Variants in CEP112 observed in about 807,000 individuals in gnomAD.
CEP112 encodes centrosomal protein 112, also known as centrosomal protein of 112 kDa.
Under a neutral mutation model 153.0 loss-of-function variants are expected in CEP112, and 127 were observed. The observed-to-expected ratio is 0.83, with a 90% confidence interval of 0.72 to 0.96. The LOEUF (loss-of-function observed/expected upper bound fraction) is 0.96. Ranked by LOEUF, CEP112 falls within the 40% of genes least tolerant of loss-of-function variation. The pLI, the probability that CEP112 is intolerant of heterozygous loss-of-function variation, is 0.00. For missense variants in CEP112, 1,089 were observed against 1,101.2 expected (o/e 0.99, Z 0.16); for synonymous variants, 358 against 374.4 (o/e 0.96, Z 0.51).
intron 23 of CEP112, among the ~76,000 whole-genome samples, chr17:65,720,060 T>A (rs1490250734): frequency 6.6e-6 from 1 of 151,916 alleles, no homozygotes; most frequent in Non-Finnish European, 1.5e-5. Flanking sequence ...GAGGGCTGGG[T>A]GATGGACTGC....
At chr17:65,870,030 A>G (rs1314397589) in intron 20 of CEP112, among the ~76,000 whole-genome samples, 1 of 66,340 alleles carries the variant, frequency 1.5e-5, no homozygotes, top group Non-Finnish European at 3.7e-5. Context: ...AGAAAGAAAG[A>G]AAGAAAGAAA....
chr17:65,721,539 CTTTTATTTA>C (rs2049887957), intron 23 of CEP112, among the ~76,000 whole-genome samples: 1 of 152,164 alleles, frequency 6.6e-6, no homozygotes, highest in Non-Finnish European at 1.5e-5. Context: ...GTATTGATCT[CTTTTATTTA>C]TATATTGATC....
intron 16 of CEP112, among the ~76,000 whole-genome samples, chr17:66,022,711 G>GGGAA (rs60618756): frequency 7.9e-6 from 1 of 127,070 alleles, no homozygotes; most frequent in Non-Finnish European, 1.6e-5. Flanking sequence ...TCCGCCTCAA[G>GGGAA]AAAAAAAAAA....
chr17:65,758,730 A>G (rs1395360542), intron 21 of CEP112, among the ~76,000 whole-genome samples: 2 of 152,228 alleles, frequency 1.3e-5, no homozygotes, highest in African/African-American at 4.8e-5. Context: ...TGAATAAAAT[A>G]GTTGTTTTAG....
chr17:66,133,579 T>C lies in CEP112; in HGVS notation c.471-816A>G, dbSNP rs549621367. Among the ~76,000 whole-genome samples the C allele has an allele frequency of 3.9e-5, 6 of 152,274 alleles. No homozygotes were observed. The South Asian group carries it at 1.0e-3, about 26-fold the overall frequency. On this transcript the variant is annotated intron_variant, in intron 4 of 26. Transcript: ENST00000535342. ...AATATAAATATCATATAAAATACATTCTTAAATGGCCTCCTTTAGCCTGGA... is the reference window on the plus strand; with the variant it reads ...AATATAAATATCATATAAAATACATCCTTAAATGGCCTCCTTTAGCCTGGA...
intron 18 of CEP112, among the ~76,000 whole-genome samples, chr17:65,951,740 C>CGCT (rs1177754827): frequency 2.8e-5 from 3 of 106,350 alleles, no homozygotes; most frequent in Non-Finnish European, 6.0e-5. Context: ...CTAATCTTCC[C>CGCT]CCGCCCCCCC....
chr17:65,744,185 T>A (rs1190374462), intron 22 of CEP112, among the ~76,000 whole-genome samples: 1 of 152,218 alleles, frequency 6.6e-6, no homozygotes, highest in Non-Finnish European at 1.5e-5. Flanking sequence ...GACCAATCAC[T>A]GCACTAATTG....
At chr17:66,072,060 C>G (rs953347222) in intron 8 of CEP112, among the ~76,000 whole-genome samples, 5 of 152,114 alleles carry the variant, frequency 3.3e-5, no homozygotes. Context: ...CCCACATGCC[C>G]TTTACCCAGA....
At chr17:65,920,220 C>T (rs538087098) in intron 19 of CEP112, among the ~76,000 whole-genome samples, 38 of 150,678 alleles carry the variant, frequency 2.5e-4, no homozygotes, top group African/African-American at 6.8e-4. Flanking sequence ...TGGCGTACCA[C>T]GTGTAATCCC....
At chr17:65,763,788 A>G (rs941830769) in intron 21 of CEP112, among the ~76,000 whole-genome samples, 5 of 152,058 alleles carry the variant, frequency 3.3e-5, no homozygotes, top group African/African-American at 9.7e-5. Flanking sequence ...GATAATTTTA[A>G]GATCTCTGTC....
intron 18 of CEP112, among the ~76,000 whole-genome samples, chr17:65,945,124 C>T (rs2061611004): frequency 6.6e-6 from 1 of 151,102 alleles, no homozygotes; most frequent in African/African-American, 2.5e-5. Flanking sequence ...TAAATGGATT[C>T]ATATAATAAA....
intron 2 of CEP112, among the ~76,000 whole-genome samples, chr17:66,179,516 A>T (rs1298342593): frequency 2.0e-5 from 3 of 152,020 alleles, no homozygotes; most frequent in African/African-American, 7.2e-5. Flanking sequence ...TAGACATGTT[A>T]CTGATTTTTG....
chr17:66,140,399 T>G (rs1362800910), intron 4 of CEP112, among the ~76,000 whole-genome samples: 1 of 152,134 alleles, frequency 6.6e-6, no homozygotes, highest in Non-Finnish European at 1.5e-5. Context: ...CACCACCTAT[T>G]AAATAGTACA....
rs77032763 is a variant in CEP112, at chr17:65,704,370, G to A, written c.2608-15152C>T. Among the ~76,000 whole-genome samples the A allele has an allele frequency of 7.7e-3, 1,167 of 151,364 alleles. 19 individuals carry two copies. The highest frequency in any genetic ancestry group is 0.027 in the African/African-American group (1,116 of 41,184). The stretch of plus-strand genomic sequence containing the variant: ...CAGCACTAGGAAACAAATACACATG[G>A]GAAGAAACGTCCCTTGTTTTCCACA... On this transcript the variant is annotated intron_variant, in intron 23 of 26. Transcript: ENST00000535342.
intron 23 of CEP112, among the ~76,000 whole-genome samples, chr17:65,739,359 A>G (rs755248415): frequency 7.9e-5 from 12 of 152,202 alleles, no homozygotes; most frequent in Non-Finnish European, 1.5e-4. Flanking sequence ...CTTTGAACAT[A>G]AGGAGTGAGC....
intron 10 of CEP112, among the ~76,000 whole-genome samples, chr17:66,063,572 A>C (rs1301653671): frequency 6.6e-6 from 1 of 152,168 alleles, no homozygotes; most frequent in East Asian, 1.9e-4. Flanking sequence ...TGATGGGTAC[A>C]CCAAAGTCTC....
intron 17 of CEP112, among the ~76,000 whole-genome samples, chr17:65,983,018 C>T (rs2063283492): frequency 6.6e-6 from 1 of 152,078 alleles, no homozygotes; most frequent in South Asian, 2.1e-4. Flanking sequence ...AAAGATAAAT[C>T]CCTAGAGACA....
intron 16 of CEP112, among the ~76,000 whole-genome samples, chr17:66,009,232 T>TGTGTGTGTGTGTGTGTGTGTG (rs1568372555): frequency 3.6e-5 from 5 of 137,382 alleles, no homozygotes; most frequent in African/African-American, 1.1e-4. Flanking sequence ...TGTGTGTGTG[T>TGTGTGTGTGTGTGTGTGTGTG]TAGCAAAAGC....
chr17:65,781,674 G>C (rs979947597), intron 21 of CEP112, among the ~76,000 whole-genome samples: 4 of 152,128 alleles, frequency 2.6e-5, no homozygotes, highest in African/African-American at 9.7e-5. Flanking sequence ...TCATGGAATG[G>C]AATAGAGAAC....
Sources: gnomAD v4.1 joint callset for allele counts (sites outside exome capture counted in the v4.1 genomes callset) on GRCh38, gnomAD v4.1.1 for gene constraint, MANE v1.5 for transcripts, NCBI Gene and HGNC (gene_info 2026-07-23, HGNC 2026-07-21) for gene names.